Variants in ABHD18 observed in about 807,000 individuals in gnomAD.
ABHD18 encodes the protein abhydrolase domain containing 18, also known as cardiolipin-specific deacylase, mitochondrial.
A neutral mutation model predicts 65.9 loss-of-function variants in ABHD18; 55 were observed. That is an observed-to-expected ratio of 0.84 (90% confidence interval 0.67 to 1.05). ABHD18 has a LOEUF of 1.05. Ranked by LOEUF, ABHD18 falls within the 50% of genes least tolerant of loss-of-function variation. The probability of loss-of-function intolerance (pLI) is 0.00; values close to 1 mark genes in which losing one functional copy is unlikely to be tolerated. For synonymous variants in ABHD18, 181 were observed against 180.2 expected (o/e 1.00, Z -0.04); for missense variants, 533 against 558.5 (o/e 0.95, Z 0.46).
chr4:127,970,865 A>C (rs555096480), intron 1 of ABHD18, among the ~76,000 whole-genome samples: 7 of 152,126 alleles, frequency 4.6e-5, no homozygotes, highest in Non-Finnish European at 8.8e-5. Context: ...ACCTGAGGCC[A>C]GGAGTTCCAG....
intron 12 of ABHD18, among the ~76,000 whole-genome samples, chr4:128,034,249 G>T (rs991200995): frequency 2.0e-5 from 3 of 152,000 alleles, no homozygotes; most frequent in African/African-American, 7.2e-5. Context: ...AAGCCACCGC[G>T]CCTGGCCTAG....
chr4:128,032,414 C>T (rs1758342210), intron 12 of ABHD18, among the ~76,000 whole-genome samples: 1 of 152,182 alleles, frequency 6.6e-6, no homozygotes, highest in South Asian at 2.1e-4. Context: ...CCGCCAGGTG[C>T]GGTGGCTCAC....
chr4:128,014,045 G>A (rs557212541), intron 7 of ABHD18, among the ~76,000 whole-genome samples: 1 of 146,152 alleles, frequency 6.8e-6, no homozygotes, highest in Admixed American at 7.1e-5. Flanking sequence ...GTGCAATGGC[G>A]TGATCTCTGC....
At chr4:127,991,679 C>G (rs762926703) in intron 4 of ABHD18, among the ~76,000 whole-genome samples, 3 of 152,078 alleles carry the variant, frequency 2.0e-5, no homozygotes, top group Non-Finnish European at 4.4e-5. Context: ...CTATTTGCTG[C>G]TTCTGGTTAG....
chr4:128,030,350 ATATT>A (rs760111801), intron 11 of ABHD18, among the ~76,000 whole-genome samples, 156 bp from the exon 12 acceptor site: 5 of 152,246 alleles, frequency 3.3e-5, no homozygotes, highest in African/African-American at 7.2e-5. Flanking sequence ...CATTTTTAGA[ATATT>A]TATCTCGTAC....
chr4:127,992,292 T>A (rs573838215), intron 4 of ABHD18, among the ~76,000 whole-genome samples: 9 of 152,066 alleles, frequency 5.9e-5, no homozygotes, highest in African/African-American at 2.2e-4. Context: ...GCCAACATAG[T>A]GAAACCCCGT....
intron 4 of ABHD18, among the ~76,000 whole-genome samples, chr4:127,995,286 T>C (rs1434222245): frequency 1.3e-5 from 2 of 152,246 alleles, no homozygotes; most frequent in Non-Finnish European, 2.9e-5. Flanking sequence ...TATATATCTG[T>C]GTGTGTATGT....
intron 8 of ABHD18, among the ~76,000 whole-genome samples, chr4:128,019,327 T>A (rs1756074229): frequency 6.6e-6 from 1 of 152,202 alleles, no homozygotes; most frequent in Admixed American, 6.6e-5. Context: ...TTGATCAATC[T>A]TTCTAGCCCT....
chr4:128,015,100 C>T (rs2149150168), intron 7 of ABHD18, among the ~76,000 whole-genome samples: 1 of 150,926 alleles, frequency 6.6e-6, no homozygotes, highest in Middle Eastern at 3.4e-3. Context: ...AAAAAATTAG[C>T]CAGACATGAT....
At chr4:128,001,468 T>A (rs1752617230) in intron 4 of ABHD18, among the ~76,000 whole-genome samples, 1 of 152,226 alleles carries the variant, frequency 6.6e-6, no homozygotes, top group African/African-American at 2.4e-5. Context: ...CAATCTTGCA[T>A]CCCAGGAATA....
intron 10 of ABHD18, among the ~76,000 whole-genome samples, chr4:128,026,104 CA>C (rs1462628693): frequency 6.6e-6 from 1 of 151,946 alleles, no homozygotes; most frequent in African/African-American, 2.4e-5. Context: ...GCCTGGCCAA[CA>C]TGGTGAAACC....
chr4:128,032,322 T>G (rs1162582945), intron 12 of ABHD18, among the ~76,000 whole-genome samples: 4 of 152,202 alleles, frequency 2.6e-5, no homozygotes, highest in African/African-American at 9.6e-5. Flanking sequence ...CTTCAAAACT[T>G]AACAGAGGTT....
chr4:127,989,369 A>T (rs968910933), intron 3 of ABHD18, among the ~76,000 whole-genome samples: 9 of 152,208 alleles, frequency 5.9e-5, no homozygotes, highest in African/African-American at 1.9e-4. Context: ...ATAGCATAAT[A>T]GAGTCACTAT....
Position 128,028,458 on chromosome 4 carries a change from TC to T in ABHD18, c.802-15del, listed in dbSNP as rs758511642. The T allele has an allele frequency of 6.9e-7, 1 of 1,459,340 alleles. No individual in the cohort carries two copies. The highest frequency in any genetic ancestry group is 9.0e-7 in the Non-Finnish European group (1 of 1,107,226). 90.4% of individuals were successfully genotyped at this position (1,459,340 alleles called of 1,614,324 possible). ...ATTTTATATTAAATAATGTTTTCTT[TC>T]CTTTCATATGTTCAGACAGATTCTT... On this transcript the variant is annotated splice_polypyrimidine_tract_variant and intron_variant, in intron 10 of 12. Transcript: ENST00000645843.
rs150438825 is a variant in ABHD18, at chr4:128,028,224, C to T, written c.802-251C>T. 2.9e-3 allele frequency among the ~76,000 whole-genome samples: 434 copies of T among 152,180 alleles called. 2 individuals carry two copies. The highest frequency in any genetic ancestry group is 4.3e-3 in the Admixed American group (66 of 15,264). On this transcript the variant is annotated intron_variant, in intron 10 of 12. Coordinates refer to ENST00000645843, the MANE Select transcript of ABHD18 (RefSeq NM_001358451.3). ...TATAGGGACCTCATACAAGTGGAAT[C>T]ATACAATATTTGTCCTTTTGTGTCT...
intron 12 of ABHD18, among the ~76,000 whole-genome samples, chr4:128,032,246 AT>A (rs1184308838): frequency 3.3e-5 from 5 of 152,230 alleles, no homozygotes; most frequent in African/African-American, 1.2e-4. Context: ...AACAAAAAAG[AT>A]TAAGTAACTT....
intron 1 of ABHD18, among the ~76,000 whole-genome samples, chr4:127,980,256 T>C (rs1748778517): frequency 6.6e-6 from 1 of 152,174 alleles, no homozygotes; most frequent in Non-Finnish European, 1.5e-5. Context: ...CGATTCTCTA[T>C]TGCTCTCTTA....
At chr4:128,028,185 A>G (rs959518018) in intron 10 of ABHD18, among the ~76,000 whole-genome samples, 6 of 152,160 alleles carry the variant, frequency 3.9e-5, no homozygotes, top group South Asian at 2.1e-4. Flanking sequence ...TTCCATCGCT[A>G]TGAATTTTAC....
At chr4:127,988,110 T>C (rs1156314855) in intron 3 of ABHD18, among the ~76,000 whole-genome samples, 1 of 152,200 alleles carries the variant, frequency 6.6e-6, no homozygotes, top group Admixed American at 6.5e-5. Flanking sequence ...TGTAGAAATA[T>C]ATGGATATTT....
Sources: allele counts gnomAD v4.1 joint callset (sites outside exome capture counted in the v4.1 genomes callset), GRCh38; gene constraint gnomAD v4.1.1; transcripts MANE v1.5; gene names NCBI Gene and HGNC (gene_info 2026-07-23, HGNC 2026-07-21).